Variants in CD93 observed in about 807,000 individuals in gnomAD.
CD93 encodes CD93 molecule.
Under a neutral mutation model 45.5 loss-of-function variants are expected in CD93, and 44 were observed. The ratio of observed to expected loss-of-function variants is 0.97; its 90% CI spans 0.76 to 1.24. The LOEUF is 1.24. Ranked by LOEUF, CD93 falls within the 50% of genes most tolerant of loss-of-function variation. The pLI is 0.00. For synonymous variants in CD93, 431 were observed against 370.8 expected (o/e 1.16, Z -1.87); for missense variants, 918 against 844.5 (o/e 1.09, Z -1.08).
rs1320108635 is a variant in CD93, at chr20:23,082,374, G to C, written c.*1576C>G. On this transcript the variant is annotated 3_prime_UTR_variant, in exon 2 of 2. Coordinates refer to ENST00000246006, the MANE Select transcript of CD93 (RefSeq NM_012072.4). ...TCTCTGAGGCTTTGGGGCCTTGGAG[G>C]GAGACACATTTCCTCTGTCTGTTCT... The C allele has an allele frequency of 6.6e-6, 1 of 152,130 alleles. No individual in the cohort carries two copies. The highest frequency in any genetic ancestry group is 1.5e-5 in the Non-Finnish European group (1 of 68,036). The allele number at this position is 152,130 out of a possible 1,614,324, so 9.4% of individuals were successfully genotyped here.
rs748975411 is a variant in CD93, at chr20:23,085,327, G to T, written c.866C>A (p.Pro289Gln). The change falls in exon 1 of 2, where the codon CCA (proline) becomes CAA (glutamine). Residue 289 changes from proline (P) to glutamine (Q), a missense_variant. Physicochemically the swap from Pro to Gln is moderately conservative, Grantham distance 76. Transcript: ENST00000246006. ...GDGSFLCGCRPGFRLLDDLVT... is the reference protein window; with the variant it reads ...GDGSFLCGCRQGFRLLDDLVT... ...CAGGTCATCCAGCAGCCGGAATCCT[G>T]GTCGGCAGCCGCAGAGGAAGGAGCC... The T allele has an allele frequency of 6.2e-7, 1 of 1,614,016 alleles. No individual in the cohort carries two copies. The highest frequency in any genetic ancestry group is 1.3e-5 in the African/African-American group (1 of 75,046).
Position 23,085,293 on chromosome 20 carries a change from A to AC in CD93, c.899dup (p.Cys300TrpfsTer49). 3 of 1,613,942 alleles carry AC rather than the reference A, an allele frequency of 1.9e-6. No homozygotes were observed. Among genetic ancestry groups the AC allele is most frequent in the Non-Finnish European group, 2.5e-6 (3 of 1,180,012 alleles). ...TGGAGCTGCAAGGGTTTCGAGAGGCACAGGTCACCAGGTCATCCAGCAGCC... is the reference window on the plus strand; with the variant it reads ...TGGAGCTGCAAGGGTTTCGAGAGGCACCAGGTCACCAGGTCATCCAGCAGCC... On this transcript the variant is annotated frameshift_variant, in exon 1 of 2. Coordinates refer to ENST00000246006, the MANE Select transcript of CD93 (RefSeq NM_012072.4). LOFTEE classifies it high-confidence loss of function.
rs1985380386 is a variant in CD93 at position 23,083,489 on chromosome 20, ATCT to A, written c.*458_*460del. On this transcript the variant is annotated 3_prime_UTR_variant, in exon 2 of 2. Coordinates refer to ENST00000246006, the MANE Select transcript of CD93 (RefSeq NM_012072.4). Reference sequence around the variant, plus strand: ...ATGTTCCCTTTGACCAAAAAACCAGATCTTCTTACCTAATTGAATAATTAATTG... The same window carrying A: ...ATGTTCCCTTTGACCAAAAAACCAGATCTTACCTAATTGAATAATTAATTG... The A allele has an allele frequency of 6.2e-6, 1 of 161,756 alleles. No individual in the cohort carries two copies. Among genetic ancestry groups the A allele is most frequent in the African/African-American group, 2.4e-5 (1 of 41,726 alleles). 10.0% of individuals were successfully genotyped at this position (161,756 alleles called of 1,614,324 possible).
rs1248735919 is a variant in CD93 at position 23,079,850 on chromosome 20, C to T, written c.*4100G>A. Reference sequence around the variant, plus strand: ...AATAGAAGGGCATTATCTACAAGAACAGACCAAAACACAATTTATTTTTAA... The same window carrying T: ...AATAGAAGGGCATTATCTACAAGAATAGACCAAAACACAATTTATTTTTAA... On this transcript the variant is annotated 3_prime_UTR_variant, in exon 2 of 2. Coordinates refer to ENST00000246006, the MANE Select transcript of CD93 (RefSeq NM_012072.4). The T allele has an allele frequency of 6.6e-6, 1 of 151,520 alleles. No homozygotes were observed. The highest frequency in any genetic ancestry group is 1.5e-5 in the Non-Finnish European group (1 of 67,948). 9.4% of individuals were successfully genotyped at this position (151,520 alleles called of 1,614,324 possible).
Position 23,084,372 on chromosome 20 carries a change from G to T in CD93, c.1821C>A (p.Arg607=). 1 of 1,614,208 alleles carries T rather than the reference G, an allele frequency of 6.2e-7. No homozygotes were observed. The highest frequency in any genetic ancestry group is 1.7e-5 in the Admixed American group (1 of 60,020). ...TCTCCTCCCTCTTCGCTCTCCGCTTGCGATAGACCAGTAGCCCCAGAGCCA... is the reference window on the plus strand; with the variant it reads ...TCTCCTCCCTCTTCGCTCTCCGCTTTCGATAGACCAGTAGCCCCAGAGCCA... ...LALALGLLVY[R]KRRAKREEKK... Residue 607 remains arginine (R), a synonymous_variant, in exon 1 of 2, where the codon CGC becomes CGA. Coordinates refer to ENST00000246006, the MANE Select transcript of CD93 (RefSeq NM_012072.4).
At position 23,084,321 on chromosome 20, in the gene CD93, C is replaced by T. The variant is rs775617899; in HGVS notation, c.1872G>A (p.Ala624=). The T allele has an allele frequency of 7.4e-6, 12 of 1,614,100 alleles. No homozygotes were observed. The East Asian group carries it at 1.1e-4, about 15-fold the overall frequency. ...CTGGAACCCAGGAGTAACTGTCTGCCGCATTCTGGGGCTTCTTCTCCTTCT... is the reference window on the plus strand; with the variant it reads ...CTGGAACCCAGGAGTAACTGTCTGCTGCATTCTGGGGCTTCTTCTCCTTCT... ...EEKKEKKPQN[A]ADSYSWVPER... is the part of the protein sequence containing the mutation. Residue 624 remains alanine (A), a synonymous_variant, in exon 1 of 2, where the codon GCG becomes GCA. Coordinates refer to ENST00000246006, the MANE Select transcript of CD93 (RefSeq NM_012072.4).
rs561453417 is a variant in CD93, at chr20:23,083,713, T to A, written c.*237A>T. The A allele has an allele frequency of 6.8e-6, 4 of 590,404 alleles. No individual in the cohort carries two copies. The highest frequency in any genetic ancestry group is 1.9e-5 in the African/African-American group (1 of 53,662). The allele number at this position is 590,404 out of a possible 1,614,324, so 36.6% of individuals were successfully genotyped here. ...AAGGGAGGGGGAGTAACAATCATTA[T>A]AGAGTCACGAAATCCCCACCGTGGC... On this transcript the variant is annotated 3_prime_UTR_variant, in exon 2 of 2. Transcript: ENST00000246006.
Position 23,083,316 on chromosome 20 carries a change from C to A in CD93, c.*634G>T, listed in dbSNP as rs1377040638. ...CCCAAGGCTATTAGAAATGTAAGAA[C>A]TAAAGAGGCACTTCCTGCCTCCTTG... On this transcript the variant is annotated 3_prime_UTR_variant, in exon 2 of 2. Coordinates refer to ENST00000246006, the MANE Select transcript of CD93 (RefSeq NM_012072.4). The A allele has an allele frequency of 6.6e-6, 1 of 152,338 alleles. No individual in the cohort carries two copies. The highest frequency in any genetic ancestry group is 1.9e-4 in the East Asian group (1 of 5,206). 9.4% of individuals were successfully genotyped at this position (152,338 alleles called of 1,614,324 possible). A position where few individuals can be genotyped will look rare whatever the true frequency, so the allele number is the denominator to read the frequency against.
In CD93 at chr20:23,086,197, G is replaced by A; in HGVS notation, c.-5C>T. On this transcript the variant is annotated 5_prime_UTR_variant, in exon 1 of 2. Coordinates refer to ENST00000246006, the MANE Select transcript of CD93 (RefSeq NM_012072.4). ...CAGGCCCATGGAGGTGGCCATCCCGGTCTCTGTGTGGCCCTCTGCGGGAGG... is the reference window on the plus strand; with the variant it reads ...CAGGCCCATGGAGGTGGCCATCCCGATCTCTGTGTGGCCCTCTGCGGGAGG... The A allele has an allele frequency of 6.6e-7, 1 of 1,525,648 alleles. No individual in the cohort carries two copies. The highest frequency in any genetic ancestry group is 1.2e-5 in the South Asian group (1 of 82,386). 94.5% of individuals were successfully genotyped at this position (1,525,648 alleles called of 1,614,324 possible). A position where few individuals can be genotyped will look rare whatever the true frequency, so the allele number is the denominator to read the frequency against.
In CD93 at chr20:23,082,438, G is replaced by A. The variant is rs1985348151; in HGVS notation, c.*1512C>T. 6.6e-6 allele frequency: 1 copy of A among 152,010 alleles called. No individual in the cohort carries two copies. Among genetic ancestry groups the A allele is most frequent in the Admixed American group, 6.6e-5 (1 of 15,254 alleles). 9.4% of individuals were successfully genotyped at this position (152,010 alleles called of 1,614,324 possible). ...GGTAAAAAGCCCACAGGAGACATGAGGCCTCCCAGAGATACTCAGGTAACT... is the reference window on the plus strand; with the variant it reads ...GGTAAAAAGCCCACAGGAGACATGAAGCCTCCCAGAGATACTCAGGTAACT... On this transcript the variant is annotated 3_prime_UTR_variant, in exon 2 of 2. Coordinates refer to ENST00000246006, the MANE Select transcript of CD93 (RefSeq NM_012072.4).
Position 23,084,109 on chromosome 20 carries a change from G to C in CD93, c.1935-135C>G, listed in dbSNP as rs373581862. The C allele has an allele frequency of 5.0e-6, 7 of 1,404,926 alleles. No homozygotes were observed. The East Asian group carries it at 1.1e-4, about 23-fold the overall frequency. The allele number at this position is 1,404,926 out of a possible 1,614,324, so 87.0% of individuals were successfully genotyped here. Reference sequence around the variant, plus strand: ...CTCTAAGGGGGCCCGAGTGCCTGGCGTGGGGGGAGGTTGAGGGGTCAGCTG... The same window carrying C: ...CTCTAAGGGGGCCCGAGTGCCTGGCCTGGGGGGAGGTTGAGGGGTCAGCTG... On this transcript the variant is annotated intron_variant, in intron 1 of 1. Transcript: ENST00000246006.
rs1172229398 is a variant in CD93, at chr20:23,083,780, G to T, written c.*170C>A. On this transcript the variant is annotated 3_prime_UTR_variant, in exon 2 of 2. Transcript: ENST00000246006. ...TCCACTTCAGGAACATCAAACACCC[G>T]TAGAAAATACCTGCATGTTCCAAGG... 1.5e-6 allele frequency: 1 copy of T among 675,070 alleles called. No individual in the cohort carries two copies. The highest frequency in any genetic ancestry group is 2.7e-6 in the Non-Finnish European group (1 of 369,600). The allele number at this position is 675,070 out of a possible 1,614,324, so 41.8% of individuals were successfully genotyped here.
chr20:23,084,969 G>C lies in CD93; in HGVS notation c.1224C>G (p.His408Gln). ...GGACGTAGCCCTCCTCACAGGAGCA[G>C]TGAAATGAGCCATCTGTGTTGGTGC... ...QGCTNTDGSF[H>Q]CSCEEGYVLA... is the part of the protein sequence containing the mutation. The change falls in exon 1 of 2, where the codon CAC (histidine) becomes CAG (glutamine). Residue 408 changes from histidine to glutamine, a missense_variant. By Grantham distance (24) the His-to-Gln change is conservative. Transcript: ENST00000246006. 1.9e-6 allele frequency: 3 copies of C among 1,613,846 alleles called. No homozygotes were observed. In the South Asian group the frequency reaches 3.3e-5, roughly 18 times the overall value.
chr20:23,085,160 C>T lies in CD93; in HGVS notation c.1033G>A (p.Asp345Asn), dbSNP rs267605855. 133 of 1,583,468 alleles carry T rather than the reference C, an allele frequency of 8.4e-5. No individual in the cohort carries two copies. Among genetic ancestry groups the T allele is most frequent in the Middle Eastern group, 6.8e-4 (4 of 5,912 alleles). The stretch of plus-strand genomic sequence containing the variant: ...GGGGAGTCCTGGCATTCATCCACGT[C>T]CACACAGTCCAGCTGACTCGAGTCC... ...QLDSSQLDCV[D>N]VDECQDSPCA... Residue 345 changes from aspartate to asparagine, a missense_variant, in exon 1 of 2, where the codon GAC (aspartate) becomes AAC (asparagine). Coordinates refer to ENST00000246006, the MANE Select transcript of CD93 (RefSeq NM_012072.4).
At position 23,083,888 on chromosome 20, in the gene CD93, G is replaced by A. The variant is rs1024647494; in HGVS notation, c.*62C>T. ...AAAATGTGGGTGCCCCTTTGGAATG[G>A]GGAGTTCAAAGCTCTGAGGATGGTG... On this transcript the variant is annotated 3_prime_UTR_variant, in exon 2 of 2. Transcript: ENST00000246006. 2.1e-5 allele frequency: 31 copies of A among 1,502,584 alleles called. No homozygotes were observed. In the African/African-American group the frequency reaches 4.0e-4, roughly 19 times the overall value. 93.1% of individuals were successfully genotyped at this position (1,502,584 alleles called of 1,614,324 possible). A position where few individuals can be genotyped will look rare whatever the true frequency, so the allele number is the denominator to read the frequency against.
chr20:23,086,206 T>G lies in CD93; in HGVS notation c.-14A>C. On this transcript the variant is annotated 5_prime_UTR_variant, in exon 1 of 2. Transcript: ENST00000246006. ...GGAGGTGGCCATCCCGGTCTCTGTG[T>G]GGCCCTCTGCGGGAGGCGAGAAGCC... 1 of 1,505,116 alleles carries G rather than the reference T, an allele frequency of 6.6e-7. No individual in the cohort carries two copies. The highest frequency in any genetic ancestry group is 2.5e-5 in the East Asian group (1 of 40,552). The allele number at this position is 1,505,116 out of a possible 1,614,324, so 93.2% of individuals were successfully genotyped here.
At chr20:23,084,118 G>T in intron 1 of CD93, 141 bp downstream of exon 1, 1 of 1,403,226 alleles carries the variant, frequency 7.1e-7, no homozygotes, top group Non-Finnish European at 1.0e-6. Context: ...CGTGGGGGGA[G>T]GTTGAGGGGT....
At chr20:23,084,086 C>A (rs1312200834) in intron 1 of CD93, 112 bp from the exon 2 acceptor site, 13 of 1,458,786 alleles carry the variant, frequency 8.9e-6, no homozygotes, top group Middle Eastern at 2.0e-4. Flanking sequence ...GCAGTATGCT[C>A]TAAGGGGGCC....
chr20:23,083,038 A>G lies in CD93; in HGVS notation c.*912T>C, dbSNP rs986030230. 2 of 152,622 alleles carry G rather than the reference A, an allele frequency of 1.3e-5. No individual in the cohort carries two copies. Among genetic ancestry groups the G allele is most frequent in the African/African-American group, 2.4e-5 (1 of 41,466 alleles). The allele number at this position is 152,622 out of a possible 1,614,324, so 9.5% of individuals were successfully genotyped here. ...GGCAGGATGAAGTGGAGGCGGGGCC[A>G]CAGGCAGGGTGTCTGAGGCCTGCCC... On this transcript the variant is annotated 3_prime_UTR_variant, in exon 2 of 2. Coordinates refer to ENST00000246006, the MANE Select transcript of CD93 (RefSeq NM_012072.4).
Sources: gnomAD v4.1 joint callset for allele counts on GRCh38, gnomAD v4.1.1 for gene constraint, MANE v1.5 for transcripts, NCBI Gene and HGNC (gene_info 2026-07-23, HGNC 2026-07-21) for gene names.